TRMT11: variants seen among roughly 807,000 people sequenced by gnomAD.
TRMT11 encodes tRNA (guanine(10)-N(2))-methyltransferase TRMT11.
TRMT11 carries 53 observed loss-of-function variants against 62.8 expected under a neutral mutation model. That is an observed-to-expected ratio of 0.84 (90% CI 0.68 to 1.06). The LOEUF (loss-of-function observed/expected upper bound fraction) is 1.06, where lower values mean the gene tolerates loss of function less well. Among genes scored for constraint, TRMT11 ranks in the 50% least tolerant of loss-of-function variants. The probability of loss-of-function intolerance (pLI) is 0.00; values close to 1 mark genes in which losing one functional copy is unlikely to be tolerated. For missense variants in TRMT11, 556 were observed against 553.4 expected, an observed-to-expected ratio of 1.00 and a Z score of -0.05; for synonymous variants, 188 against 190.3, an observed-to-expected ratio of 0.99 and a Z score of 0.10.
chr6:126,111,366 G>C (rs59103356), intron 17 of TRMT11, among the ~76,000 whole-genome samples: 1 of 152,060 alleles, frequency 6.6e-6, no homozygotes, highest in Non-Finnish European at 1.5e-5. Flanking sequence ...CTCAGAGTAA[G>C]TTTTTTCCCT....
At chr6:125,987,637 C>G (rs1016187976) in intron 1 of TRMT11, among the ~76,000 whole-genome samples, 1 of 152,106 alleles carries the variant, frequency 6.6e-6, no homozygotes, top group South Asian at 2.1e-4. Context: ...TTAAGAAGGT[C>G]TGACCTAGGG....
intron 11 of TRMT11, among the ~76,000 whole-genome samples, chr6:126,016,473 C>T (rs1794998489): frequency 1.3e-5 from 2 of 152,106 alleles, no homozygotes; most frequent in Non-Finnish European, 1.5e-5. Context: ...TAATTATAAT[C>T]AAAATCATAT....
chr6:126,093,254 A>G (rs1024354371), intron 17 of TRMT11, among the ~76,000 whole-genome samples: 1 of 152,020 alleles, frequency 6.6e-6, no homozygotes, highest in Non-Finnish European at 1.5e-5. Context: ...TTAACTTAGC[A>G]TATTAACTCT....
intron 21 of TRMT11, among the ~76,000 whole-genome samples, chr6:126,126,993 C>A (rs1400717601): frequency 6.6e-6 from 1 of 151,980 alleles, no homozygotes; most frequent in Admixed American, 6.6e-5. Flanking sequence ...TGTATTTTGC[C>A]TAATTTCTTC....
intron 17 of TRMT11, among the ~76,000 whole-genome samples, chr6:126,082,567 T>C (rs1007987317): frequency 6.6e-6 from 1 of 152,120 alleles, no homozygotes; most frequent in Non-Finnish European, 1.5e-5. Flanking sequence ...ATATCCTCTA[T>C]GCTCTAAAAT....
At chr6:126,103,838 G>A (rs761826095) in intron 17 of TRMT11, among the ~76,000 whole-genome samples, 3 of 152,150 alleles carry the variant, frequency 2.0e-5, no homozygotes, top group Non-Finnish European at 4.4e-5. Flanking sequence ...CATAATGAGA[G>A]TGACTTCCTA....
At chr6:126,148,272 C>T (rs1391328217) in intron 21 of TRMT11, among the ~76,000 whole-genome samples, 1 of 152,224 alleles carries the variant, frequency 6.6e-6, no homozygotes, top group African/African-American at 2.4e-5. Flanking sequence ...TGGCTTCCTT[C>T]AAGGCCGAGC....
the TRMT11 span, among the ~76,000 whole-genome samples, chr6:126,261,535 G>A: frequency 7.9e-5 from 12 of 152,024 alleles, no homozygotes; most frequent in African/African-American, 1.4e-4. Context: ...ACATTGATCC[G>A]TGTATCTAGT....
intron 21 of TRMT11, among the ~76,000 whole-genome samples, chr6:126,163,434 G>T (rs9491566): frequency 0.21 from 31,520 of 152,074 alleles, 3,425 homozygotes; most frequent in Middle Eastern, 0.27. Context: ...GCTTTTTAAT[G>T]TGCTGCTGGA....
chr6:126,004,239 C>T (rs1792987093), intron 7 of TRMT11, among the ~76,000 whole-genome samples: 2 of 151,920 alleles, frequency 1.3e-5, no homozygotes, highest in African/African-American at 2.4e-5. Context: ...ATTATCTTCA[C>T]AGCTGTCAAT....
At chr6:125,998,518 T>A in intron 5 of TRMT11, 32 bp from the exon 6 acceptor site, 2 of 1,595,246 alleles carry the variant, frequency 1.3e-6, no homozygotes, top group Admixed American at 3.6e-5. Flanking sequence ...TAAATTATTA[T>A]AAGACATCAG....
At chr6:126,085,020 A>G (rs955790878) in intron 17 of TRMT11, among the ~76,000 whole-genome samples, 1 of 152,170 alleles carries the variant, frequency 6.6e-6, no homozygotes, top group Non-Finnish European at 1.5e-5. Context: ...CATGATGACT[A>G]TAGTTAATAA....
At chr6:126,265,371 A>G in the TRMT11 span, among the ~76,000 whole-genome samples, 1 of 152,158 alleles carries the variant, frequency 6.6e-6, no homozygotes, top group Non-Finnish European at 1.5e-5. Flanking sequence ...TGACATTTTT[A>G]TAAATTATCC....
chr6:126,226,641 A>G, the TRMT11 span, among the ~76,000 whole-genome samples: 1 of 152,242 alleles, frequency 6.6e-6, no homozygotes, highest in Non-Finnish European at 1.5e-5. Context: ...GAAACTACAG[A>G]TAGAAAAAGA....
chr6:126,051,014 T>C (rs865775015), intron 16 of TRMT11, among the ~76,000 whole-genome samples: 1 of 152,162 alleles, frequency 6.6e-6, no homozygotes, highest in Non-Finnish European at 1.5e-5. Flanking sequence ...TATGGGAACA[T>C]GCAGGCAAGG....
At chr6:126,247,477 C>CTATCTATCTATCTATCTATCTGTT in the TRMT11 span, among the ~76,000 whole-genome samples, 1 of 148,528 alleles carries the variant, frequency 6.7e-6, no homozygotes, top group African/African-American at 2.5e-5. Context: ...ATCTATCTAT[C>CTATCTATCTATCTATCTATCTGTT]TATCTATCTA....
rs138048659 is a variant in TRMT11 at position 125,989,394 on chromosome 6, C to A, written c.72+2772C>A. Among the ~76,000 whole-genome samples, 422 of 152,198 alleles carry A rather than the reference C, an allele frequency of 2.8e-3. 1 individual carries two copies. The highest frequency in any genetic ancestry group is 9.5e-3 in the African/African-American group (394 of 41,520). ...GACTGCCTCATGCTGGGATTACAGG[C>A]ATGAGCCACTGCGCCTGGCCAGGAG... On this transcript the variant is annotated intron_variant, in intron 1 of 12. Transcript: ENST00000334379.
At chr6:126,074,849 C>A (rs1411752599) in intron 17 of TRMT11, among the ~76,000 whole-genome samples, 1 of 152,036 alleles carries the variant, frequency 6.6e-6, no homozygotes, top group Non-Finnish European at 1.5e-5. Context: ...CAATTATTTT[C>A]AAGACTAGCT....
At chr6:126,237,067 G>GAC in the TRMT11 span, among the ~76,000 whole-genome samples, 104 of 119,110 alleles carry the variant, frequency 8.7e-4, no homozygotes, top group East Asian at 0.018. Context: ...CCTAGAGATA[G>GAC]AGAGAGAGAG....
Sources: allele counts gnomAD v4.1 joint callset (sites outside exome capture counted in the v4.1 genomes callset), GRCh38; gene constraint gnomAD v4.1.1; transcripts MANE v1.5; gene names NCBI Gene and HGNC (gene_info 2026-07-23, HGNC 2026-07-21).